The following CXorf66 variants were observed in gnomAD, a reference collection of about 807,000 sequenced individuals.
CXorf66 encodes the protein chromosome X open reading frame 66.
Under a neutral mutation model 5.0 loss-of-function variants are expected in CXorf66, and 6 were observed. The ratio of observed to expected loss-of-function variants is 1.20; its 90% CI spans 0.65 to 2.36. The LOEUF is 2.36. Ranked by LOEUF, CXorf66 falls within the 30% of genes most tolerant of loss-of-function variation. CXorf66 has a pLI of 0.00. For missense variants in CXorf66, 270 were observed against 254.9 expected (o/e 1.06, Z -0.40); for synonymous variants, 98 against 102.8 (o/e 0.95, Z 0.28).
chrX:139,958,445 A>T (rs975845749), intron 1 of CXorf66, among the ~76,000 whole-genome samples: 16 of 111,825 alleles, frequency 1.4e-4, no homozygotes, highest in African/African-American at 5.2e-4. Flanking sequence ...TTATCCCTGA[A>T]TCTTGGCTTG....
In CXorf66 at chrX:139,956,398, T is replaced by C. The variant is rs756835621; in HGVS notation, c.584A>G (p.Asp195Gly). The change falls in exon 3 of 3, where the codon GAC (aspartate) becomes GGC (glycine). Residue 195 changes from aspartate to glycine, a missense_variant. By Grantham distance (94) the Asp-to-Gly change is moderately conservative (BLOSUM62 -1). Coordinates refer to ENST00000370540, the MANE Select transcript of CXorf66 (RefSeq NM_001013403.3). ...TGAACTGGCTAGCTTACACGCATAGTCTAGCTTACATAATTTTTCTAGGCT... is the reference window on the plus strand; with the variant it reads ...TGAACTGGCTAGCTTACACGCATAGCCTAGCTTACATAATTTTTCTAGGCT... ...KGSLEKLCKLDYACKLASSDK... is the reference protein window; with the variant it reads ...KGSLEKLCKLGYACKLASSDK... The C allele has an allele frequency of 2.5e-6, 3 of 1,211,803 alleles. No individual in the cohort carries two copies. Among genetic ancestry groups the C allele is most frequent in the East Asian group, 3.0e-5 (1 of 33,833 alleles).
At chrX:139,957,000 T>C (rs1487548481) in intron 2 of CXorf66, among the ~76,000 whole-genome samples, 1 of 110,726 alleles carries the variant, frequency 9.0e-6, no homozygotes, top group African/African-American at 3.3e-5. Flanking sequence ...ACTCCATCTC[T>C]ACTAAAAATA....
chrX:139,958,423 C>A (rs1237282480), intron 1 of CXorf66, among the ~76,000 whole-genome samples: 1 of 111,981 alleles, frequency 8.9e-6, no homozygotes, highest in East Asian at 2.8e-4. Context: ...CTAATCCATA[C>A]CATTACCTGG....
At chrX:139,963,257 A>G (rs2085600789) in intron 1 of CXorf66, among the ~76,000 whole-genome samples, 2 of 111,902 alleles carry the variant, frequency 1.8e-5, no homozygotes, top group African/African-American at 6.5e-5. Context: ...AAGGATTCCT[A>G]TACATCAATA....
chrX:139,963,002 A>C (rs2085599318), intron 1 of CXorf66, among the ~76,000 whole-genome samples: 2 of 112,173 alleles, frequency 1.8e-5, no homozygotes, highest in Non-Finnish European at 1.9e-5. Context: ...ATCCCCTTTG[A>C]AAACCTGCAC....
intron 1 of CXorf66, among the ~76,000 whole-genome samples, chrX:139,959,860 C>G (rs2085587137): frequency 8.9e-6 from 1 of 111,825 alleles, no homozygotes; most frequent in African/African-American, 3.3e-5. Flanking sequence ...AACTAAGAAA[C>G]AGAAAGCAAT....
chrX:139,961,400 A>C (rs1399025873), intron 1 of CXorf66, among the ~76,000 whole-genome samples: 1 of 112,135 alleles, frequency 8.9e-6, no homozygotes, highest in Non-Finnish European at 1.9e-5. Context: ...ATAGATATGC[A>C]CCCAATACAG....
At chrX:139,962,151 A>G (rs1163580769) in intron 1 of CXorf66, among the ~76,000 whole-genome samples, 1 of 111,486 alleles carries the variant, frequency 9.0e-6, no homozygotes, top group African/African-American at 3.3e-5. Context: ...TATTGAAAAC[A>G]TTAATAAAAT....
Position 139,956,371 on chromosome X carries a change from T to A in CXorf66, c.611A>T (p.Asp204Val). The change falls in exon 3 of 3, where the codon GAT (aspartate) becomes GTT (valine). Residue 204 changes from aspartate (D) to valine (V), a missense_variant. Asp to Val is a radical substitution (Grantham distance 152). Transcript: ENST00000370540. The part of the protein sequence containing the change: ...LDYACKLASS[D>V]KPVRPPQLFK... ...TAGCTGAGGTGGCCTGACTGGCTTA[T>A]CTGAACTGGCTAGCTTACACGCATA... 8.2e-7 allele frequency: 1 copy of A among 1,212,156 alleles called. No individual in the cohort carries two copies. Among genetic ancestry groups the A allele is most frequent in the East Asian group, 3.0e-5 (1 of 33,861 alleles).
chrX:139,961,826 G>A (rs1363480892), intron 1 of CXorf66, among the ~76,000 whole-genome samples: 3 of 111,696 alleles, frequency 2.7e-5, no homozygotes, highest in Non-Finnish European at 5.6e-5. Flanking sequence ...TGACCGCTGG[G>A]TACATAACAA....
chrX:139,956,942 G>A (rs2085576263), intron 2 of CXorf66, among the ~76,000 whole-genome samples: 2 of 111,413 alleles, frequency 1.8e-5, no homozygotes, highest in South Asian at 7.6e-4. Flanking sequence ...GAGGTGGGCA[G>A]ATCACTTGAG....
chrX:139,959,775 G>T (rs964120022), intron 1 of CXorf66, among the ~76,000 whole-genome samples: 5 of 111,819 alleles, frequency 4.5e-5, no homozygotes, highest in African/African-American at 1.6e-4. Context: ...TGATACCCAG[G>T]CAAATAGGGT....
intron 1 of CXorf66, among the ~76,000 whole-genome samples, chrX:139,963,234 G>T (rs866462705): frequency 8.9e-6 from 1 of 111,870 alleles, no homozygotes; most frequent in South Asian, 3.7e-4. Context: ...CAAAATCAAT[G>T]TCCAAAAATC....
Position 139,956,251 on chromosome X carries a change from T to C in CXorf66, c.731A>G (p.Asn244Ser). 2 of 1,211,975 alleles carry C rather than the reference T, an allele frequency of 1.7e-6. No homozygotes were observed. Among genetic ancestry groups the C allele is most frequent in the Non-Finnish European group, 2.2e-6 (2 of 895,578 alleles). Residue 244 changes from asparagine (N) to serine (S), a missense_variant, in exon 3 of 3, where the codon AAT becomes AGT. Transcript: ENST00000370540. ...GCCTAGACTCACTGACCTTTTTGGA[T>C]TAAAATGTTTGGGAGGCTTAGCCAA... The part of the protein sequence containing the change: ...QELAKPPKHF[N>S]PKRSVSLGRA...
chrX:139,956,300 A>G lies in CXorf66; in HGVS notation c.682T>C (p.Ser228Pro), dbSNP rs746647609. Reference protein sequence around the residue: ...SSHPQNEISPSKPFGPQELAK... With the variant: ...SSHPQNEISPPKPFGPQELAK... ...AATTCCTGTGGACCGAATGGCTTGGATGGTGAGATTTCATTTTGTGGATGA... is the reference window on the plus strand; with the variant it reads ...AATTCCTGTGGACCGAATGGCTTGGGTGGTGAGATTTCATTTTGTGGATGA... The change falls in exon 3 of 3, where the codon TCC becomes CCC. Residue 228 changes from serine to proline, a missense_variant. Ser to Pro is a moderately conservative substitution (Grantham distance 74). Transcript: ENST00000370540. The G allele has an allele frequency of 3.3e-6, 4 of 1,209,887 alleles. No individual in the cohort carries two copies. Among genetic ancestry groups the G allele is most frequent in the South Asian group, 1.8e-5 (1 of 56,853 alleles).
intron 2 of CXorf66, among the ~76,000 whole-genome samples, chrX:139,957,641 A>C (rs751826055): frequency 1.8e-5 from 2 of 111,933 alleles, no homozygotes; most frequent in Non-Finnish European, 3.8e-5. Context: ...AAAGGCAGGC[A>C]CTGAGATCAT....
At position 139,958,656 on chromosome X, in the gene CXorf66, C is replaced by T. The variant is rs552965869; in HGVS notation, c.89-439G>A. 3.3e-4 allele frequency among the ~76,000 whole-genome samples: 37 copies of T among 111,906 alleles called. No individual in the cohort carries two copies. In the South Asian group the frequency reaches 4.6e-3, roughly 14 times the overall value. ...AACAGCTCTGGTCTGCAGCTCCCAG[C>T]GAGACCAATGCAGAAGGTGGGTGAT... On this transcript the variant is annotated intron_variant, in intron 1 of 2. Coordinates refer to ENST00000370540, the MANE Select transcript of CXorf66 (RefSeq NM_001013403.3).
intron 2 of CXorf66, among the ~76,000 whole-genome samples, 192 bp from the exon 3 acceptor site, chrX:139,956,931 C>G (rs1264896070): frequency 9.0e-6 from 1 of 111,265 alleles, no homozygotes; most frequent in Non-Finnish European, 1.9e-5. Context: ...TTTGGGAGGA[C>G]GAGGTGGGCA....
In CXorf66 at chrX:139,956,298, G is replaced by A. The variant is rs757905035; in HGVS notation, c.684C>T (p.Ser228=). The A allele has an allele frequency of 8.3e-7, 1 of 1,209,826 alleles. No individual in the cohort carries two copies. Among genetic ancestry groups the A allele is most frequent in the African/African-American group, 1.7e-5 (1 of 57,160 alleles). ...CCAATTCCTGTGGACCGAATGGCTT[G>A]GATGGTGAGATTTCATTTTGTGGAT... ...SSHPQNEISP[S]KPFGPQELAK... is the part of the protein sequence containing the mutation. Residue 228 remains serine (S), a synonymous_variant, in exon 3 of 3, where the codon TCC becomes TCT. Transcript: ENST00000370540.
Sources: gnomAD v4.1 joint callset for allele counts (sites outside exome capture counted in the v4.1 genomes callset) on GRCh38, gnomAD v4.1.1 for gene constraint, MANE v1.5 for transcripts, NCBI Gene and HGNC (gene_info 2026-07-23, HGNC 2026-07-21) for gene names.